C18orf63: variants seen among roughly 807,000 people sequenced by gnomAD.
C18orf63 encodes uncharacterized protein C18orf63.
A neutral mutation model predicts 75.3 loss-of-function variants in C18orf63; 50 were observed. The observed-to-expected ratio is 0.66, with a 90% CI of 0.53 to 0.84. C18orf63 has a LOEUF of 0.84. Ranked by LOEUF, C18orf63 falls within the 40% of genes least tolerant of loss-of-function variation. C18orf63 has a pLI of 0.00. For missense variants in C18orf63, 732 were observed against 800.2 expected (o/e 0.91, Z 1.03); for synonymous variants, 232 against 267.6 (o/e 0.87, Z 1.30).
chr18:74,334,594 G>A (rs1421442792), intron 7 of C18orf63, among the ~76,000 whole-genome samples: 2 of 152,138 alleles, frequency 1.3e-5, no homozygotes, highest in Non-Finnish European at 2.9e-5. Flanking sequence ...GGCATAGTGA[G>A]TTTGGGGTTC....
At chr18:74,324,234 C>G (rs1190641988) in intron 4 of C18orf63, among the ~76,000 whole-genome samples, 2 of 152,278 alleles carry the variant, frequency 1.3e-5, no homozygotes, top group East Asian at 3.9e-4. Flanking sequence ...ACAATTTTCG[C>G]TTTGCAAACA....
intron 11 of C18orf63, among the ~76,000 whole-genome samples, chr18:74,352,389 T>G (rs1248169820): frequency 6.6e-6 from 1 of 152,218 alleles, no homozygotes; most frequent in East Asian, 1.9e-4. Flanking sequence ...TTAAAAATGG[T>G]TAAAATGGTA....
intron 1 of C18orf63, among the ~76,000 whole-genome samples, chr18:74,316,998 C>T (rs949413884): frequency 6.6e-6 from 1 of 152,208 alleles, no homozygotes; most frequent in South Asian, 2.1e-4. Flanking sequence ...TACTGTATTA[C>T]ATTCCTGCTG....
At chr18:74,323,192 T>C (rs1260159423) in intron 4 of C18orf63, among the ~76,000 whole-genome samples, 1 of 152,214 alleles carries the variant, frequency 6.6e-6, no homozygotes, top group Non-Finnish European at 1.5e-5. Context: ...GACCTCTCTG[T>C]GTCTCAGTAA....
chr18:74,355,507 G>A (rs974439773), intron 13 of C18orf63, among the ~76,000 whole-genome samples: 10 of 118,082 alleles, frequency 8.5e-5, no homozygotes, highest in African/African-American at 1.8e-4. Flanking sequence ...TCATCCAGGA[G>A]GGGGGGCTTA....
At chr18:74,317,422 C>A (rs890339256) in intron 1 of C18orf63, among the ~76,000 whole-genome samples, 2 of 152,116 alleles carry the variant, frequency 1.3e-5, no homozygotes, top group African/African-American at 2.4e-5. Context: ...TATTCCTCAA[C>A]CTTGAAGTGC....
intron 11 of C18orf63, among the ~76,000 whole-genome samples, chr18:74,352,262 A>C (rs1393834580): frequency 6.6e-6 from 1 of 152,222 alleles, no homozygotes; most frequent in African/African-American, 2.4e-5. Flanking sequence ...ACAGGAAATT[A>C]CTATTTACAG....
intron 2 of C18orf63, among the ~76,000 whole-genome samples, chr18:74,318,777 G>C (rs1193572093): frequency 6.7e-6 from 1 of 148,404 alleles, no homozygotes; most frequent in African/African-American, 2.5e-5. Context: ...GCAACAGAGC[G>C]AGACTCTGTC....
In C18orf63 at chr18:74,353,509, C is replaced by T. The variant is rs1392263686; in HGVS notation, c.1242C>T (p.Asn414=). Residue 414 remains asparagine, a synonymous_variant, in exon 12 of 14, where the codon AAC becomes AAT. Transcript: ENST00000579455. ...PQVHSEVLMP[N]RGNTQVQHTN... ...TACATTCAGAAGTATTAATGCCCAA[C>T]AGAGGAAATACTCAAGTTCAGCACA... The T allele has an allele frequency of 6.5e-7, 1 of 1,536,586 alleles. No individual in the cohort carries two copies. Among genetic ancestry groups the T allele is most frequent in the Non-Finnish European group, 8.7e-7 (1 of 1,146,998 alleles).
chr18:74,323,436 C>T (rs1330224181), intron 4 of C18orf63, among the ~76,000 whole-genome samples: 1 of 152,146 alleles, frequency 6.6e-6, no homozygotes, highest in Non-Finnish European at 1.5e-5. Context: ...TTTGAATGAC[C>T]TGAAAGCTGG....
intron 4 of C18orf63, among the ~76,000 whole-genome samples, chr18:74,325,486 A>G (rs1984192774): frequency 6.6e-6 from 1 of 152,236 alleles, no homozygotes; most frequent in Non-Finnish European, 1.5e-5. Context: ...ATTTGAGAAG[A>G]ATGAGTATTC....
rs1984817522 is a variant in C18orf63, at chr18:74,358,933, AAT to A, written c.*2487_*2488del. The A allele has an allele frequency of 6.6e-6, 1 of 152,112 alleles. No individual in the cohort carries two copies. The highest frequency in any genetic ancestry group is 1.5e-5 in the Non-Finnish European group (1 of 68,002). 9.4% of individuals were successfully genotyped at this position (152,112 alleles called of 1,614,324 possible). The stretch of plus-strand genomic sequence containing the variant: ...TATTGTAGTAAAAAGGTAAAAAAAA[AAT>A]GAACTTGTTAATGATTAGCTTTTAT... On this transcript the variant is annotated 3_prime_UTR_variant, in exon 14 of 14. Transcript: ENST00000579455.
chr18:74,319,564 G>A (rs1984084431), intron 2 of C18orf63, among the ~76,000 whole-genome samples: 1 of 152,166 alleles, frequency 6.6e-6, no homozygotes, highest in Admixed American at 6.5e-5. Context: ...TGATTCTGAT[G>A]ATGTTTGTTT....
Position 74,354,452 on chromosome 18 carries a change from T to G in C18orf63, c.2002-5T>G. ...TAACAAATGTGATTCTTCAATCTAA[T>G]ACAGATACTTGACTCGGATAAATCA... On this transcript the variant is annotated splice_polypyrimidine_tract_variant and splice_region_variant and intron_variant, in intron 12 of 13. Transcript: ENST00000579455. The G allele has an allele frequency of 6.9e-7, 1 of 1,445,286 alleles. No homozygotes were observed. Among genetic ancestry groups the G allele is most frequent in the Non-Finnish European group, 9.4e-7 (1 of 1,067,124 alleles). The allele number at this position is 1,445,286 out of a possible 1,614,324, so 89.5% of individuals were successfully genotyped here.
intron 11 of C18orf63, among the ~76,000 whole-genome samples, chr18:74,353,032 A>G (rs1361930936): frequency 6.6e-6 from 1 of 152,204 alleles, no homozygotes; most frequent in African/African-American, 2.4e-5. Flanking sequence ...ATCTTAAGAT[A>G]GTATCTTGGA....
At chr18:74,331,383 G>A (rs1984303415) in intron 7 of C18orf63, among the ~76,000 whole-genome samples, 1 of 152,166 alleles carries the variant, frequency 6.6e-6, no homozygotes, top group Non-Finnish European at 1.5e-5. Flanking sequence ...CTTCTTAGTA[G>A]AAGGATATGT....
Position 74,353,616 on chromosome 18 carries a change from C to T in C18orf63, c.1349C>T (p.Thr450Ile). ...AGATTGTTACAAATGAACAAAAATA[C>T]CTCAGTACTTGGCAGCCCAAAAAGA... ...KNRLLQMNKN[T>I]SVLGSPKRKQ... Residue 450 changes from threonine (T) to isoleucine (I), a missense_variant, in exon 12 of 14, where the codon ACC (threonine) becomes ATC (isoleucine). By Grantham distance (89) the Thr-to-Ile change is moderately conservative. This residue lies in a region of C18orf63 where 495 missense variants were observed against 508.7 expected (regional missense o/e 0.97). Transcript: ENST00000579455. 6.5e-7 allele frequency: 1 copy of T among 1,536,182 alleles called. No homozygotes were observed. The highest frequency in any genetic ancestry group is 8.7e-7 in the Non-Finnish European group (1 of 1,146,888).
chr18:74,345,263 C>T (rs1231657960), intron 11 of C18orf63, among the ~76,000 whole-genome samples: 3 of 151,946 alleles, frequency 2.0e-5, no homozygotes, highest in African/African-American at 7.2e-5. Context: ...GTATTTTTAA[C>T]ATAAGCCAGA....
In C18orf63 at chr18:74,317,891, T is replaced by G. The variant is rs1448188132; in HGVS notation, c.26T>G (p.Leu9Arg). 1.3e-6 allele frequency: 2 copies of G among 1,534,658 alleles called. No homozygotes were observed. The highest frequency in any genetic ancestry group is 1.7e-6 in the Non-Finnish European group (2 of 1,146,244). Residue 9 changes from leucine to arginine, a missense_variant, in exon 2 of 14, where the codon CTG becomes CGG. Transcript: ENST00000579455. ...ATGAATGATTCTAGGCAGCAGTCTC[T>G]GTTCTTCATCACACTTCCAGATTTA... MNDSRQQS[L>R]FFITLPDLNK... is the part of the protein sequence containing the mutation.
Sources: gnomAD v4.1 joint callset for allele counts (sites outside exome capture counted in the v4.1 genomes callset) on GRCh38, gnomAD v4.1.1 for gene constraint, gnomAD v4.1.1 regional missense constraint, MANE v1.5 for transcripts, NCBI Gene and HGNC (gene_info 2026-07-23, HGNC 2026-07-21) for gene names.